The following SERPINB12 variants were observed in gnomAD, a reference collection of about 807,000 sequenced individuals.
SERPINB12 encodes serpin B12.
A neutral mutation model predicts 41.1 loss-of-function variants in SERPINB12; 57 were observed. That is an observed-to-expected ratio of 1.39 (90% CI 1.12 to 1.73). The LOEUF (loss-of-function observed/expected upper bound fraction) is 1.73, where lower values mean the gene tolerates loss of function less well. SERPINB12 is among the 40% of genes most tolerant of loss of function. The pLI is 0.00. For synonymous variants in SERPINB12, 180 were observed against 181.3 expected (o/e 0.99, Z 0.06); for missense variants, 536 against 501.9 (o/e 1.07, Z -0.65).
the SERPINB12 span, among the ~76,000 whole-genome samples, chr18:63,536,922 C>T: frequency 6.6e-6 from 1 of 151,986 alleles, no homozygotes; most frequent in Non-Finnish European, 1.5e-5. Flanking sequence ...GGAATATTGG[C>T]TGGGTATTTA....
chr18:63,531,095 C>T, the SERPINB12 span, among the ~76,000 whole-genome samples: 1 of 152,146 alleles, frequency 6.6e-6, no homozygotes, highest in South Asian at 2.1e-4. Context: ...AGAGTGTAGC[C>T]TGCTTGCTTA....
the SERPINB12 span, among the ~76,000 whole-genome samples, chr18:63,519,113 G>A: frequency 3.1e-4 from 47 of 152,130 alleles, no homozygotes; most frequent in African/African-American, 1.1e-3. Context: ...TGGTGGTACT[G>A]GGTCTTGGTG....
chr18:63,563,889 T>G, intron 5 of SERPINB12, 89 bp from the exon 6 acceptor site: 1 of 1,249,166 alleles, frequency 8.0e-7, no homozygotes, highest in Non-Finnish European at 1.1e-6. Flanking sequence ...AGAGCGAAAC[T>G]CTGTCTCAAA....
chr18:63,551,414 C>G (rs1002940270), intron 1 of SERPINB12, among the ~76,000 whole-genome samples: 3 of 152,102 alleles, frequency 2.0e-5, no homozygotes, highest in Non-Finnish European at 4.4e-5. Context: ...CAACCTCTGC[C>G]TCCCAGGTTC....
At chr18:63,533,483 G>A in the SERPINB12 span, among the ~76,000 whole-genome samples, 3 of 152,196 alleles carry the variant, frequency 2.0e-5, no homozygotes, top group Admixed American at 2.0e-4. Context: ...AATTATAGAA[G>A]AGCAGAGCTG....
intron 2 of SERPINB12, among the ~76,000 whole-genome samples, chr18:63,557,267 A>G (rs1044596518): frequency 1.1e-4 from 17 of 151,894 alleles, no homozygotes; most frequent in Non-Finnish European, 2.2e-4. Flanking sequence ...TTTCTTCTTC[A>G]AGACTTTGAT....
chr18:63,525,210 A>T, the SERPINB12 span, among the ~76,000 whole-genome samples: 1 of 151,942 alleles, frequency 6.6e-6, no homozygotes, highest in East Asian at 1.9e-4. Context: ...CCATTAAATC[A>T]CCTCTGATTT....
At chr18:63,532,725 A>G in the SERPINB12 span, among the ~76,000 whole-genome samples, 2 of 152,142 alleles carry the variant, frequency 1.3e-5, no homozygotes, top group African/African-American at 4.8e-5. Context: ...AGGGGTTGCT[A>G]ACCTCTCAGG....
chr18:63,529,619 C>A, the SERPINB12 span, among the ~76,000 whole-genome samples: 1 of 152,024 alleles, frequency 6.6e-6, no homozygotes, highest in South Asian at 2.1e-4. Flanking sequence ...GTCAGCACTT[C>A]ATTTAAAATC....
At chr18:63,559,836 G>C in intron 4 of SERPINB12, 118 bp downstream of exon 4, 1 of 1,024,114 alleles carries the variant, frequency 9.8e-7, no homozygotes, top group Non-Finnish European at 1.4e-6. Flanking sequence ...AGGATGATGC[G>C]CTGTGGACTG....
intron 5 of SERPINB12, among the ~76,000 whole-genome samples, chr18:63,561,610 T>C (rs1910913275): frequency 6.6e-6 from 1 of 152,146 alleles, no homozygotes; most frequent in South Asian, 2.1e-4. Context: ...CACCACACTA[T>C]TCACAATAGC....
At chr18:63,550,304 T>C (rs1477100712) in intron 1 of SERPINB12, among the ~76,000 whole-genome samples, 1 of 152,178 alleles carries the variant, frequency 6.6e-6, no homozygotes, top group Non-Finnish European at 1.5e-5. Context: ...GGTGGATATT[T>C]TCCAGAGTAA....
chr18:63,531,708 A>G, the SERPINB12 span, among the ~76,000 whole-genome samples: 1 of 152,236 alleles, frequency 6.6e-6, no homozygotes, highest in African/African-American at 2.4e-5. Flanking sequence ...ATTAAATATC[A>G]TCTTATACCT....
chr18:63,565,691 C>A (rs1327523522), intron 7 of SERPINB12, 79 bp downstream of exon 7: 2 of 1,265,560 alleles, frequency 1.6e-6, no homozygotes, highest in Non-Finnish European at 2.1e-6. Context: ...TATCTACCAT[C>A]TCGAGGAAAT....
chr18:63,532,279 A>T, the SERPINB12 span, among the ~76,000 whole-genome samples: 1 of 152,216 alleles, frequency 6.6e-6, no homozygotes, highest in Non-Finnish European at 1.5e-5. Context: ...ATCCTCTTTC[A>T]CATGGTTGAA....
chr18:63,524,378 C>T, the SERPINB12 span, among the ~76,000 whole-genome samples: 1 of 152,118 alleles, frequency 6.6e-6, no homozygotes, highest in Non-Finnish European at 1.5e-5. Context: ...CAACCTCTGC[C>T]TCCTGGGGTC....
At chr18:63,566,231 T>G (rs927653933) in intron 7 of SERPINB12, among the ~76,000 whole-genome samples, 2 of 152,194 alleles carry the variant, frequency 1.3e-5, no homozygotes, top group Admixed American at 6.5e-5. Flanking sequence ...CTGTGTTAAG[T>G]TCTTTATATA....
At chr18:63,537,523 G>C (rs993281849), upstream of SERPINB12, among the ~76,000 whole-genome samples, 1 of 152,126 alleles carries the variant, frequency 6.6e-6, no homozygotes, top group Non-Finnish European at 1.5e-5. Context: ...AAAGATATTT[G>C]ATTTAATTCT....
chr18:63,529,448 T>C, the SERPINB12 span, among the ~76,000 whole-genome samples: 3 of 152,326 alleles, frequency 2.0e-5, no homozygotes, highest in African/African-American at 7.2e-5. Context: ...AGAACCTATC[T>C]TCATGGCTTT....
Sources: allele counts gnomAD v4.1 joint callset (sites outside exome capture counted in the v4.1 genomes callset), GRCh38; gene constraint gnomAD v4.1.1; transcripts MANE v1.5; gene names NCBI Gene and HGNC (gene_info 2026-07-23, HGNC 2026-07-21).